ATF7IP2: variants seen among roughly 807,000 people sequenced by gnomAD.
ATF7IP2 encodes the protein activating transcription factor 7-interacting protein 2.
A neutral mutation model predicts 64.2 loss-of-function variants in ATF7IP2; 42 were observed. That is an observed-to-expected ratio of 0.65 (90% CI 0.51 to 0.85). The LOEUF is 0.85. Ranked by LOEUF, ATF7IP2 falls within the 40% of genes least tolerant of loss-of-function variation. The pLI, the probability that ATF7IP2 is intolerant of heterozygous loss-of-function variation, is 0.00. For synonymous variants in ATF7IP2, 308 were observed against 272.8 expected (o/e 1.13, Z -1.27); for missense variants, 933 against 784.2 (o/e 1.19, Z -2.27).
chr16:10,450,438 G>A (rs2048947551), intron 8 of ATF7IP2, among the ~76,000 whole-genome samples: 1 of 152,176 alleles, frequency 6.6e-6, no homozygotes, highest in African/African-American at 2.4e-5. Flanking sequence ...CACTATTACT[G>A]TCTGAGAGTC....
intron 1 of ATF7IP2, among the ~76,000 whole-genome samples, chr16:10,409,570 G>A (rs1020979587): frequency 2.0e-5 from 3 of 151,728 alleles, no homozygotes; most frequent in Admixed American, 2.0e-4. Context: ...GAGACTACAG[G>A]CCCCTGCAAC....
intron 12 of ATF7IP2, among the ~76,000 whole-genome samples, chr16:10,475,349 T>C (rs2049963570): frequency 6.6e-6 from 1 of 152,146 alleles, no homozygotes; most frequent in East Asian, 1.9e-4. Context: ...TTCTTTTAAA[T>C]AGAAGTAAAG....
rs774360040 is a variant in ATF7IP2 at position 10,430,750 on chromosome 16, A to T, written c.130A>T (p.Ser44Cys). ...TGAAGCGCTGAAAACAGCAATTGGG[A>T]GTAATGTTCCAAGCGGTAATCAGAG... is the stretch of plus-strand genomic sequence containing the variant. Reference protein sequence around the residue: ...NVEALKTAIGSNVPSGNQSFS... With the variant: ...NVEALKTAIGCNVPSGNQSFS... The change falls in exon 5 of 14, where the codon AGT becomes TGT. Residue 44 changes from serine to cysteine, a missense_variant. By Grantham distance (112) the Ser-to-Cys change is moderately radical. Transcript: ENST00000562102. 1.2e-6 allele frequency: 2 copies of T among 1,614,124 alleles called. No homozygotes were observed. The highest frequency in any genetic ancestry group is 1.7e-6 in the Non-Finnish European group (2 of 1,179,996).
At position 10,482,425 on chromosome 16, in the gene ATF7IP2, T is replaced by A; in HGVS notation, c.*176T>A. 1 of 537,306 alleles carries A rather than the reference T, an allele frequency of 1.9e-6. No homozygotes were observed. Among genetic ancestry groups the A allele is most frequent in the Non-Finnish European group, 3.2e-6 (1 of 309,918 alleles). 33.3% of individuals were successfully genotyped at this position (537,306 alleles called of 1,614,324 possible). On this transcript the variant is annotated 3_prime_UTR_variant, in exon 14 of 14. Transcript: ENST00000562102. ...AATTTAATGAATTTCTGGTTTGTAT[T>A]AAATATGTCCTTCCAATGGATAAGT...
At chr16:10,473,555 C>G (rs770645283) in intron 11 of ATF7IP2, 21 bp downstream of exon 11, 6 of 1,465,800 alleles carry the variant, frequency 4.1e-6, no homozygotes, top group African/African-American at 1.4e-5. Context: ...AATATTGACT[C>G]TGAATATTGT....
intron 1 of ATF7IP2, among the ~76,000 whole-genome samples, chr16:10,404,455 G>A (rs956672412): frequency 4.6e-5 from 7 of 152,108 alleles, no homozygotes; most frequent in African/African-American, 1.4e-4. Context: ...ATGTTGGCCC[G>A]GCCGGTCTTG....
intron 9 of ATF7IP2, among the ~76,000 whole-genome samples, chr16:10,459,934 G>C (rs894809704): frequency 4.6e-5 from 7 of 152,050 alleles, no homozygotes; most frequent in African/African-American, 1.7e-4. Context: ...ATGCAAGAAT[G>C]CCAAAAAATC....
At chr16:10,473,894 C>G (rs200052120) in intron 11 of ATF7IP2, 29 bp from the exon 12 acceptor site, 3 of 1,044,362 alleles carry the variant, frequency 2.9e-6, no homozygotes, top group Admixed American at 2.8e-5. Context: ...TGAGGCAAAG[C>G]TTTTTTTTTT....
intron 8 of ATF7IP2, among the ~76,000 whole-genome samples, chr16:10,442,550 C>G (rs1201658300): frequency 6.6e-6 from 1 of 152,132 alleles, no homozygotes; most frequent in Non-Finnish European, 1.5e-5. Context: ...TGAGTCCTTT[C>G]CATTTACCAA....
chr16:10,447,770 C>T (rs980971721), intron 8 of ATF7IP2: 2 of 152,192 alleles, frequency 1.3e-5, no homozygotes, highest in Non-Finnish European at 2.9e-5. Context: ...CAGCTACAAG[C>T]TTGGTGGATG....
intron 8 of ATF7IP2, among the ~76,000 whole-genome samples, chr16:10,443,339 G>T (rs920618043): frequency 6.6e-6 from 1 of 152,134 alleles, no homozygotes; most frequent in Non-Finnish European, 1.5e-5. Flanking sequence ...GCAGGGTGCT[G>T]GACTTCAGGC....
Position 10,402,869 on chromosome 16 carries a change from T to C in ATF7IP2, c.-241-11705T>C, listed in dbSNP as rs571337978. ...CAGCAGGTTTGCTTGAGGTGAGGAG[T>C]TCAAGACCAGCCTCAACGACACAGC... On this transcript the variant is annotated intron_variant, in intron 1 of 13. Transcript: ENST00000562102. 2.3e-3 allele frequency among the ~76,000 whole-genome samples: 340 copies of C among 150,802 alleles called. 1 individual carries two copies. Among genetic ancestry groups the C allele is most frequent in the African/African-American group, 7.9e-3 (322 of 40,946 alleles).
At chr16:10,478,623 G>C (rs1303714681) in intron 12 of ATF7IP2, among the ~76,000 whole-genome samples, 1 of 152,146 alleles carries the variant, frequency 6.6e-6, no homozygotes, top group Non-Finnish European at 1.5e-5. Context: ...AACACCAAAA[G>C]CAATGGCAAC....
In ATF7IP2 at chr16:10,457,420, A is replaced by C; in HGVS notation, c.1243A>C (p.Asn415His). The change falls in exon 9 of 14, where the codon AAT becomes CAT. Residue 415 changes from asparagine (N) to histidine (H), a missense_variant. Asn to His is a moderately conservative substitution (Grantham distance 68). Coordinates refer to ENST00000562102, the MANE Select transcript of ATF7IP2 (RefSeq NM_001393719.1). ...MILDKNLESV[N>H]SPIEKSSVNY... ...TTTGGATAAGAATCTTGAGTCAGTT[A>C]ATAGTCCAATTGAAAAGTCTTCTGT... The C allele has an allele frequency of 6.2e-7, 1 of 1,608,734 alleles. No homozygotes were observed.
At position 10,417,155 on chromosome 16, in the gene ATF7IP2, G is replaced by A. The variant is rs565798239; in HGVS notation, c.-202-2426G>A. 4.6e-5 allele frequency among the ~76,000 whole-genome samples: 7 copies of A among 152,206 alleles called. No individual in the cohort carries two copies. The South Asian group carries it at 1.0e-3, about 23-fold the overall frequency. Reference sequence around the variant, plus strand: ...TGTAATTCCATTATACCACAAAGACGAGGAAAACAAGGAAAGAATTTATAC... The same window carrying A: ...TGTAATTCCATTATACCACAAAGACAAGGAAAACAAGGAAAGAATTTATAC... On this transcript the variant is annotated intron_variant, in intron 2 of 13. Transcript: ENST00000562102.
intron 1 of ATF7IP2, among the ~76,000 whole-genome samples, chr16:10,402,697 C>T (rs1021412275): frequency 1.3e-5 from 2 of 152,104 alleles, no homozygotes; most frequent in African/African-American, 2.4e-5. Flanking sequence ...CTCCTGAGCT[C>T]AAGTGATCCT....
chr16:10,473,867 A>G (rs2049899487), intron 11 of ATF7IP2, 56 bp from the exon 12 acceptor site: 4 of 1,162,964 alleles, frequency 3.4e-6, no homozygotes, highest in Non-Finnish European at 3.6e-6. Flanking sequence ...TAAATTTTTA[A>G]AAACATTTTC....
At chr16:10,469,970 T>C (rs2049730368) in intron 9 of ATF7IP2, among the ~76,000 whole-genome samples, 1 of 151,806 alleles carries the variant, frequency 6.6e-6, no homozygotes, top group South Asian at 2.1e-4. Flanking sequence ...AAACAGACTT[T>C]TTAAGCCAAA....
rs963917744 is a variant in ATF7IP2 at position 10,483,419 on chromosome 16, C to T, written c.*1170C>T. On this transcript the variant is annotated 3_prime_UTR_variant, in exon 14 of 14. Coordinates refer to ENST00000562102, the MANE Select transcript of ATF7IP2 (RefSeq NM_001393719.1). Reference sequence around the variant, plus strand: ...TGGAGCTGTGACTAGTACAAGCAGCCCAAGAAACTCTGAACGGGGCCCAAT... The same window carrying T: ...TGGAGCTGTGACTAGTACAAGCAGCTCAAGAAACTCTGAACGGGGCCCAAT... 5 of 152,122 alleles carry T rather than the reference C, an allele frequency of 3.3e-5. No homozygotes were observed. The highest frequency in any genetic ancestry group is 3.4e-3 in the Middle Eastern group (1 of 296). 9.4% of individuals were successfully genotyped at this position (152,122 alleles called of 1,614,324 possible).
Sources: gnomAD v4.1 joint callset for allele counts (sites outside exome capture counted in the v4.1 genomes callset) on GRCh38, gnomAD v4.1.1 for gene constraint, MANE v1.5 for transcripts, NCBI Gene and HGNC (gene_info 2026-07-23, HGNC 2026-07-21) for gene names.